The following UBA7 variants were observed in gnomAD, a reference collection of about 807,000 sequenced individuals.
The protein encoded by UBA7 is ubiquitin-like modifier-activating enzyme 7.
Under a neutral mutation model 113.0 loss-of-function variants are expected in UBA7, and 88 were observed. The observed-to-expected ratio is 0.78, with a 90% CI of 0.66 to 0.93. The LOEUF is 0.93. Among genes scored for constraint, UBA7 ranks in the 40% least tolerant of loss-of-function variants. The probability of loss-of-function intolerance (pLI) is 0.00; values close to 1 mark genes in which losing one functional copy is unlikely to be tolerated. For missense variants in UBA7, 1,092 were observed against 1,266.4 expected (o/e 0.86, Z 2.09); for synonymous variants, 459 against 513.0 (o/e 0.89, Z 1.42).
At chr3:49,812,938 G>A (rs1027704159) in intron 4 of UBA7, 124 bp downstream of exon 4, 14 of 1,260,532 alleles carry the variant, frequency 1.1e-5, no homozygotes, top group Non-Finnish European at 1.4e-5. Context: ...ACCAGAATCA[G>A]AAAGGCATGC....
chr3:49,809,685 GTGTC>G lies in UBA7; in HGVS notation c.1941_1944del (p.Gln647HisfsTer5), dbSNP rs1241352925. The G allele has an allele frequency of 6.2e-7, 1 of 1,614,148 alleles. No homozygotes were observed. Among genetic ancestry groups the G allele is most frequent in the South Asian group, 1.1e-5 (1 of 91,090 alleles). On this transcript the variant is annotated frameshift_variant, in exon 16 of 24. Transcript: ENST00000333486. LOFTEE classifies it high-confidence loss of function. ...CCAAGCACTGGCTTCAGTAAGGTGA[GTGTC>G]TGTGGCTCATCCATGTCTGCCAGGG...
rs1053258872 is a variant in UBA7 at position 49,807,502 on chromosome 3, C to T, written c.2715+234G>A. On this transcript the variant is annotated intron_variant, in intron 21 of 23. Transcript: ENST00000333486. This position sits in a 1 kb window ranked among gnomAD's most constrained non-coding sequence, Gnocchi z 4.0. ...CTCCACTAATGAGTTAAAGCTGCAG[C>T]TCCCCCAGATCCTGGGCTTTGGAGG... Among the ~76,000 whole-genome samples the T allele has an allele frequency of 6.6e-6, 1 of 152,206 alleles. No individual in the cohort carries two copies. The highest frequency in any genetic ancestry group is 2.4e-5 in the African/African-American group (1 of 41,440).
chr3:49,808,468 C>T lies in UBA7; in HGVS notation c.2348G>A (p.Gly783Asp), dbSNP rs1241769915. ...GTTCAGTTCCTTCTGCTGCTCAGGGCCTGTCAGGGGAGGGGATGTTGAGGC... is the reference window on the plus strand; with the variant it reads ...GTTCAGTTCCTTCTGCTGCTCAGGGTCTGTCAGGGGAGGGGATGTTGAGGC... ...LELASASAEFGPEQQKELNKA... is the reference protein window; with the variant it reads ...LELASASAEFDPEQQKELNKA... Residue 783 changes from glycine (G) to aspartate (D), a missense_variant and splice_region_variant, in exon 19 of 24, where the codon GGC becomes GAC. Gly to Asp is a moderately conservative substitution (Grantham distance 94). This residue lies in a region of UBA7 where 500 missense variants were observed against 529.3 expected (regional missense o/e 0.94). Coordinates refer to ENST00000333486, the MANE Select transcript of UBA7 (RefSeq NM_003335.3). The T allele has an allele frequency of 1.9e-6, 3 of 1,613,998 alleles. No individual in the cohort carries two copies. Among genetic ancestry groups the T allele is most frequent in the Non-Finnish European group, 2.5e-6 (3 of 1,179,924 alleles).
intron 23 of UBA7, 33 bp downstream of exon 23, chr3:49,805,864 G>T (rs1237797162): frequency 4.0e-5 from 61 of 1,535,912 alleles, no homozygotes; most frequent in Non-Finnish European, 4.9e-5. Context: ...CCAGGGACTG[G>T]TGGGGCCTGT....
At position 49,810,929 on chromosome 3, in the gene UBA7, T is replaced by G; in HGVS notation, c.1230+55A>C. 6.2e-7 allele frequency: 1 copy of G among 1,610,898 alleles called. No homozygotes were observed. Among genetic ancestry groups the G allele is most frequent in the Non-Finnish European group, 8.5e-7 (1 of 1,177,122 alleles). On this transcript the variant is annotated intron_variant, in intron 10 of 23. Transcript: ENST00000333486. The surrounding 1 kb of genome is among the most constrained non-coding windows in gnomAD (Gnocchi z 5.6). ...AGGACCTGGAGGGCATTCCTCATGC[T>G]TCTCCCCTAGTCCTGATTTTGGACA...
rs1229405928 is a variant in UBA7 at position 49,807,663 on chromosome 3, T to C, written c.2715+73A>G. 3 of 1,503,320 alleles carry C rather than the reference T, an allele frequency of 2.0e-6. No individual in the cohort carries two copies. The highest frequency in any genetic ancestry group is 2.3e-5 in the East Asian group (1 of 43,742). 93.1% of individuals were successfully genotyped at this position (1,503,320 alleles called of 1,614,324 possible). ...GTTTCAGTGAGAGCCGGCAGCTAGA[T>C]TGGGGCCTGTATGGGCAGGTGCAGG... On this transcript the variant is annotated intron_variant, in intron 21 of 23. Coordinates refer to ENST00000333486, the MANE Select transcript of UBA7 (RefSeq NM_003335.3). The surrounding 1 kb of genome is among the most constrained non-coding windows in gnomAD (Gnocchi z 4.0).
In UBA7 at chr3:49,808,973, C is replaced by T. The variant is rs777364057; in HGVS notation, c.2347+3G>A. ...CATGAGGGGCCAGGGCCAGGAGCCT[C>T]ACCAAACTCAGCAGAAGCCGAAGCC... is the stretch of plus-strand genomic sequence containing the variant. On this transcript the variant is annotated splice_donor_region_variant and intron_variant, in intron 18 of 23. Coordinates refer to ENST00000333486, the MANE Select transcript of UBA7 (RefSeq NM_003335.3). 6.2e-7 allele frequency: 1 copy of T among 1,612,772 alleles called. No individual in the cohort carries two copies. Among genetic ancestry groups the T allele is most frequent in the Non-Finnish European group, 8.5e-7 (1 of 1,179,644 alleles).
In UBA7 at chr3:49,809,678, A is replaced by T; in HGVS notation, c.1952T>A (p.Leu651Ter). 2 of 1,614,144 alleles carry T rather than the reference A, an allele frequency of 1.2e-6. No homozygotes were observed. The highest frequency in any genetic ancestry group is 2.2e-5 in the South Asian group (2 of 91,086). ...CAGGACCCCAAGCACTGGCTTCAGT[A>T]AGGTGAGTGTCTGTGGCTCATCCAT... ...ADMDEPQTLTLLKPVLGVLRV... is the reference protein window; with the variant it reads ...ADMDEPQTLT Residue 651 changes from leucine (L) to a stop codon, truncating the protein, a stop_gained, in exon 16 of 24, where the codon TTA (leucine) becomes TAA (stop). Transcript: ENST00000333486. LOFTEE classifies it high-confidence loss of function.
rs749533188 is a variant in UBA7, at chr3:49,809,151, G to T, written c.2172C>A (p.His724Gln). The T allele has an allele frequency of 6.2e-7, 1 of 1,610,920 alleles. No individual in the cohort carries two copies. Among genetic ancestry groups the T allele is most frequent in the Non-Finnish European group, 8.5e-7 (1 of 1,178,520 alleles). Residue 724 changes from histidine (H) to glutamine (Q), a missense_variant, in exon 18 of 24, where the codon CAC becomes CAA. Physicochemically the swap from His to Gln is conservative, Grantham distance 24. This residue lies in a region of UBA7 where 500 missense variants were observed against 529.3 expected (regional missense o/e 0.94). Coordinates refer to ENST00000333486, the MANE Select transcript of UBA7 (RefSeq NM_003335.3). ...TGGCAGCTGCCAGTACGTAGAGGAG[G>T]TGTGTGTCCTGCAGCCAGACCAAGA... Reference protein sequence around the residue: ...PLEFDTNQDTHLLYVLAAANL... With the variant: ...PLEFDTNQDTQLLYVLAAANL...
chr3:49,812,801 C>A, intron 4 of UBA7, 63 bp from the exon 5 acceptor site: 1 of 1,572,202 alleles, frequency 6.4e-7, no homozygotes, highest in Non-Finnish European at 8.7e-7. Context: ...ATAGGGGATA[C>A]TAGGGCAGGG....
Position 49,809,137 on chromosome 3 carries a change from A to T in UBA7, c.2186T>A (p.Leu729Gln), listed in dbSNP as rs572700517. ...CTGGGCATACAGGTTGGCAGCTGCC[A>T]GTACGTAGAGGAGGTGTGTGTCCTG... ...TNQDTHLLYV[L>Q]AAANLYAQMH... is the part of the protein sequence containing the mutation. Residue 729 changes from leucine (L) to glutamine (Q), a missense_variant, in exon 18 of 24, where the codon CTG becomes CAG. Around this residue, in one of 3 missense-constraint regions of UBA7, gnomAD observed 500 missense variants for 529.3 expected, o/e 0.94. Coordinates refer to ENST00000333486, the MANE Select transcript of UBA7 (RefSeq NM_003335.3). The T allele has an allele frequency of 2.5e-6, 4 of 1,612,726 alleles. No individual in the cohort carries two copies. The Admixed American group carries it at 6.7e-5, about 27-fold the overall frequency.
At chr3:49,806,290 T>C (rs3819325) in intron 21 of UBA7, 125 bp from the exon 22 acceptor site, 235,573 of 575,716 alleles carry the variant, frequency 0.41, 53,115 homozygotes, top group African/African-American at 0.61. Flanking sequence ...GGGTGGGGGG[T>C]GGGGGGGAGG....
chr3:49,811,177 AG>A, intron 9 of UBA7, 86 bp from the exon 10 acceptor site: 1 of 1,602,548 alleles, frequency 6.2e-7, no homozygotes, highest in Non-Finnish European at 8.5e-7. Context: ...AGGTTGGTGA[AG>A]GCTCCAGGGC....
At position 49,807,167 on chromosome 3, in the gene UBA7, A is replaced by G. The variant is rs187265819; in HGVS notation, c.2715+569T>C. On this transcript the variant is annotated intron_variant, in intron 21 of 23. Transcript: ENST00000333486. This position sits in a 1 kb window ranked among gnomAD's most constrained non-coding sequence, Gnocchi z 4.0. The stretch of plus-strand genomic sequence containing the variant: ...TGCATGCCCACATTGAGGACACAGG[A>G]AGATGGGAGCCCTGCACTCCCATCT... Among the ~76,000 whole-genome samples the G allele has an allele frequency of 5.3e-5, 8 of 152,278 alleles. No homozygotes were observed. Among genetic ancestry groups the G allele is most frequent in the Non-Finnish European group, 1.2e-4 (8 of 68,012 alleles).
rs756147311 is a variant in UBA7 at position 49,808,039 on chromosome 3, G to A, written c.2504C>T (p.Pro835Leu). ...GGTTACCTGGGCACGGTTGACCGGT[G>A]GAATCCCGTAGTTCTGACATCTCAG... is the stretch of plus-strand genomic sequence containing the variant. ...ASLRCQNYGI[P>L]PVNRAQSKRI... is the part of the protein sequence containing the mutation. Residue 835 changes from proline (P) to leucine (L), a missense_variant, in exon 20 of 24, where the codon CCA becomes CTA. Physicochemically the swap from Pro to Leu is moderately conservative, Grantham distance 98 (BLOSUM62 -3). Transcript: ENST00000333486. The A allele has an allele frequency of 1.1e-5, 18 of 1,614,018 alleles. No homozygotes were observed. Among genetic ancestry groups the A allele is most frequent in the South Asian group, 2.2e-5 (2 of 91,072 alleles).
At chr3:49,805,845 C>T in intron 23 of UBA7, 52 bp downstream of exon 23, 1 of 1,503,734 alleles carries the variant, frequency 6.7e-7, no homozygotes, top group Non-Finnish European at 9.0e-7. Flanking sequence ...TGGTCCCTAG[C>T]CCCAGCCTCC....
intron 21 of UBA7, chr3:49,806,403 A>G: frequency 1.7e-6 from 1 of 577,700 alleles, no homozygotes; most frequent in East Asian, 2.9e-5. Flanking sequence ...GATCCATCAC[A>G]TGGGCCAGTT....
At position 49,807,916 on chromosome 3, in the gene UBA7, A is replaced by C; in HGVS notation, c.2535T>G (p.Ile845Met). ...PPVNRAQSKRIVGQIIPAIAT... is the reference protein window; with the variant it reads ...PPVNRAQSKRMVGQIIPAIAT... ...CAATGGCTGGGATAATCTGGCCCAC[A>C]ATTCGCTTGCTCTGCCAAGGACAAG... is the stretch of plus-strand genomic sequence containing the variant. The change falls in exon 21 of 24, where the codon ATT becomes ATG. Residue 845 changes from isoleucine to methionine, a missense_variant. This residue lies in a region of UBA7 where 500 missense variants were observed against 529.3 expected (regional missense o/e 0.94). Coordinates refer to ENST00000333486, the MANE Select transcript of UBA7 (RefSeq NM_003335.3). The surrounding 1 kb of genome is among the most constrained non-coding windows in gnomAD (Gnocchi z 4.0). 1 of 1,612,340 alleles carries C rather than the reference A, an allele frequency of 6.2e-7. No individual in the cohort carries two copies. Among genetic ancestry groups the C allele is most frequent in the South Asian group, 1.1e-5 (1 of 91,028 alleles).
chr3:49,810,129 C>T lies in UBA7; in HGVS notation c.1688G>A (p.Gly563Asp). 1.9e-6 allele frequency: 3 copies of T among 1,612,812 alleles called. No homozygotes were observed. The highest frequency in any genetic ancestry group is 2.2e-5 in the South Asian group (2 of 91,086). The change falls in exon 14 of 24, where the codon GGC becomes GAC. Residue 563 changes from glycine (G) to aspartate (D), a missense_variant. By Grantham distance (94) the Gly-to-Asp change is moderately conservative. Coordinates refer to ENST00000333486, the MANE Select transcript of UBA7 (RefSeq NM_003335.3). This position sits in a 1 kb window ranked among gnomAD's most constrained non-coding sequence, Gnocchi z 5.6. ...THYLKPLLEA[G>D]TSGTWGSATV... Reference sequence around the variant, plus strand: ...AGCACTGCCCCAGGTGCCCGATGTGCCTGCCTCCAGCAGTGGCTTCAGATA... The same window carrying T: ...AGCACTGCCCCAGGTGCCCGATGTGTCTGCCTCCAGCAGTGGCTTCAGATA...
Sources: allele counts gnomAD v4.1 joint callset (sites outside exome capture counted in the v4.1 genomes callset), GRCh38; gene constraint gnomAD v4.1.1; regional missense constraint gnomAD v4.1.1; non-coding constraint Gnocchi (gnomAD v3.1); transcripts MANE v1.5; gene names NCBI Gene and HGNC (gene_info 2026-07-23, HGNC 2026-07-21).